The following MAF variants were observed in gnomAD, a reference collection of about 807,000 sequenced individuals.
MAF encodes the protein transcription factor Maf.
In MAF, 10 loss-of-function variants were observed where a neutral mutation model predicts 22.0. The observed-to-expected ratio is 0.45, with a 90% confidence interval of 0.28 to 0.77. MAF has a LOEUF of 0.77. Ranked by LOEUF, MAF falls within the 30% of genes least tolerant of loss-of-function variation. The pLI, the probability that MAF is intolerant of heterozygous loss-of-function variation, is 0.12. For synonymous variants in MAF, 337 were observed against 255.8 expected (o/e 1.32, Z -3.03); for missense variants, 544 against 548.4 (o/e 0.99, Z 0.08).
chr16:79,318,347 G>A, the MAF span, among the ~76,000 whole-genome samples: 1 of 152,152 alleles, frequency 6.6e-6, no homozygotes. Flanking sequence ...ATGCTAATCA[G>A]GAAAGGCTTC....
chr16:79,530,152 AG>A, the MAF span, among the ~76,000 whole-genome samples: 1,294 of 152,276 alleles, frequency 8.5e-3, 11 homozygotes, highest in Non-Finnish European at 0.011. Flanking sequence ...ACAACCTTGA[AG>A]ATATCCCATA....
the MAF span, among the ~76,000 whole-genome samples, chr16:79,567,783 A>T: frequency 6.6e-6 from 1 of 152,206 alleles, no homozygotes; most frequent in Admixed American, 6.5e-5. Context: ...GTCTAGGGAG[A>T]TGTGTGCAAA....
At chr16:79,391,177 C>T in the MAF span, among the ~76,000 whole-genome samples, 1 of 152,284 alleles carries the variant, frequency 6.6e-6, no homozygotes, top group Non-Finnish European at 1.5e-5. Flanking sequence ...AAACCCAGTG[C>T]TCTAAGACCT....
the MAF span, among the ~76,000 whole-genome samples, chr16:79,428,292 G>T: frequency 7.2e-5 from 11 of 151,976 alleles, no homozygotes; most frequent in African/African-American, 2.4e-4. Context: ...AGCATCCCAG[G>T]CAAGGGCCCA....
chr16:79,451,005 C>T, the MAF span, among the ~76,000 whole-genome samples: 5 of 152,092 alleles, frequency 3.3e-5, no homozygotes, highest in Non-Finnish European at 5.9e-5. Flanking sequence ...CTAATCATAT[C>T]ACTCCACACA....
chr16:79,566,782 C>G, the MAF span, among the ~76,000 whole-genome samples: 1 of 152,216 alleles, frequency 6.6e-6, no homozygotes, highest in Non-Finnish European at 1.5e-5. Context: ...TTCCACACTT[C>G]ATGGAAATGG....
chr16:79,208,650 TAAG>T, the MAF span, among the ~76,000 whole-genome samples: 1 of 149,244 alleles, frequency 6.7e-6, no homozygotes, highest in East Asian at 2.0e-4. Flanking sequence ...TTAATCAGTT[TAAG>T]AATGCTTTCT....
At chr16:79,299,109 T>C in the MAF span, among the ~76,000 whole-genome samples, 53 of 152,162 alleles carry the variant, frequency 3.5e-4, no homozygotes, top group Non-Finnish European at 6.8e-4. Context: ...TTTGACTTTT[T>C]TTCACCCTTT....
At chr16:79,456,361 A>T in the MAF span, among the ~76,000 whole-genome samples, 14 of 152,272 alleles carry the variant, frequency 9.2e-5, no homozygotes, top group East Asian at 2.7e-3. Flanking sequence ...AAATTGTCAG[A>T]CCAGTGTTTT....
downstream of MAF, among the ~76,000 whole-genome samples, chr16:79,592,582 T>A (rs1033966785): frequency 1.3e-5 from 2 of 152,224 alleles, no homozygotes; most frequent in African/African-American, 4.8e-5. Context: ...CCTTTATAAC[T>A]ACTACATGGC....
chr16:79,484,524 G>C, the MAF span, among the ~76,000 whole-genome samples: 1 of 152,194 alleles, frequency 6.6e-6, no homozygotes. Flanking sequence ...ATAGTCTTTG[G>C]TCCCTGCTAT....
At chr16:79,223,149 C>T in the MAF span, among the ~76,000 whole-genome samples, 18 of 151,944 alleles carry the variant, frequency 1.2e-4, no homozygotes, top group African/African-American at 2.4e-4. Context: ...TGCAAAAGAA[C>T]GGACAACATA....
the MAF span, among the ~76,000 whole-genome samples, chr16:79,339,344 C>G: frequency 3.9e-5 from 6 of 152,224 alleles, no homozygotes; most frequent in African/African-American, 1.4e-4. Flanking sequence ...CAGGCGTGAG[C>G]CACCGCACCC....
chr16:79,595,895 A>T (rs1055708), intron 1 of MAF: 2 of 1,057,800 alleles, frequency 1.9e-6, no homozygotes, highest in Non-Finnish European at 2.3e-6. Context: ...TCTTTTTCCT[A>T]TTTAAGACAA....
the MAF span, among the ~76,000 whole-genome samples, chr16:79,509,690 G>A: frequency 6.6e-6 from 1 of 152,252 alleles, no homozygotes; most frequent in East Asian, 1.9e-4. Flanking sequence ...TGGGGGCCCA[G>A]GGCCTGGCAT....
the MAF span, among the ~76,000 whole-genome samples, chr16:79,572,168 T>C: frequency 6.6e-6 from 1 of 152,168 alleles, no homozygotes; most frequent in African/African-American, 2.4e-5. Context: ...AAGAAAACAG[T>C]GAAATTTCCA....
the MAF span, among the ~76,000 whole-genome samples, chr16:79,577,341 T>A: frequency 2.0e-5 from 3 of 152,292 alleles, no homozygotes; most frequent in African/African-American, 7.2e-5. Flanking sequence ...TAAGGAGGAA[T>A]GAGGGAATCA....
At chr16:79,402,120 T>C in the MAF span, among the ~76,000 whole-genome samples, 4 of 152,196 alleles carry the variant, frequency 2.6e-5, no homozygotes, top group African/African-American at 9.7e-5. Flanking sequence ...GGCTAGCAGC[T>C]TAAGCTAGCA....
At chr16:79,507,152 C>T in the MAF span, among the ~76,000 whole-genome samples, 11 of 144,964 alleles carry the variant, frequency 7.6e-5, no homozygotes, top group African/African-American at 2.6e-4. Context: ...TTTACTCTCT[C>T]GCCCAGGCTG....
Sources: allele counts gnomAD v4.1 joint callset (sites outside exome capture counted in the v4.1 genomes callset), GRCh38; gene constraint gnomAD v4.1.1; transcripts MANE v1.5; gene names NCBI Gene and HGNC (gene_info 2026-07-23, HGNC 2026-07-21).